Variants in CCDC148 observed in about 807,000 individuals in gnomAD.
CCDC148 encodes the protein coiled-coil domain-containing protein 148.
CCDC148 carries 89 observed loss-of-function variants against 85.7 expected under a neutral mutation model. The observed-to-expected ratio is 1.04, with a 90% CI of 0.87 to 1.24. CCDC148 has a LOEUF of 1.24. Ranked by LOEUF, CCDC148 falls within the 50% of genes most tolerant of loss-of-function variation. The probability of loss-of-function intolerance (pLI) is 0.00; values close to 1 mark genes in which losing one functional copy is unlikely to be tolerated. For missense variants in CCDC148, 692 were observed against 671.7 expected, an observed-to-expected ratio of 1.03 and a Z score of -0.33; for synonymous variants, 230 against 213.9, an observed-to-expected ratio of 1.08 and a Z score of -0.66.
intron 7 of CCDC148, among the ~76,000 whole-genome samples, chr2:158,325,521 A>G (rs1692727438): frequency 6.6e-6 from 1 of 152,034 alleles, no homozygotes; most frequent in Non-Finnish European, 1.5e-5. Context: ...TTTACTCACT[A>G]CTTTAGTGAT....
intron 2 of CCDC148, among the ~76,000 whole-genome samples, chr2:158,345,523 C>T (rs6750284): frequency 0.17 from 25,781 of 152,030 alleles, 3,481 homozygotes; most frequent in African/African-American, 0.38. Flanking sequence ...GGAATACTGA[C>T]AAACTTAAAA....
intron 9 of CCDC148, among the ~76,000 whole-genome samples, chr2:158,258,099 A>T (rs749039139): frequency 9.9e-5 from 15 of 151,850 alleles, no homozygotes; most frequent in Non-Finnish European, 1.9e-4. Flanking sequence ...TCATGAAATC[A>T]ATTTTGTGGA....
intron 9 of CCDC148, among the ~76,000 whole-genome samples, chr2:158,280,164 G>A (rs915323680): frequency 2.8e-4 from 42 of 152,204 alleles, no homozygotes; most frequent in Admixed American, 6.5e-5. Context: ...ACCAGCCACT[G>A]CAAAATCATG....
At chr2:158,263,850 C>T (rs1366764714) in intron 9 of CCDC148, among the ~76,000 whole-genome samples, 2 of 151,542 alleles carry the variant, frequency 1.3e-5, no homozygotes, top group Non-Finnish European at 2.9e-5. Context: ...ATTATGATGC[C>T]TAGCAGGGGA....
At chr2:158,279,511 G>A (rs568039922) in intron 9 of CCDC148, among the ~76,000 whole-genome samples, 41 of 152,330 alleles carry the variant, frequency 2.7e-4, no homozygotes, top group African/African-American at 8.4e-4. Context: ...TGATCAACTG[G>A]AAGAAAGGGT....
chr2:158,313,268 T>C (rs1262881901), intron 8 of CCDC148, among the ~76,000 whole-genome samples: 1 of 152,176 alleles, frequency 6.6e-6, no homozygotes, highest in Non-Finnish European at 1.5e-5. Flanking sequence ...CAGATCCAAC[T>C]AGGAGGATCA....
intron 8 of CCDC148, 98 bp downstream of exon 8, chr2:158,313,657 AT>A (rs751463646): frequency 4.9e-5 from 60 of 1,226,328 alleles, no homozygotes; most frequent in Non-Finnish European, 6.5e-5. Context: ...GAAAAAAATA[AT>A]TTTTAAAGAA....
At chr2:158,392,856 A>G (rs1685372065) in intron 1 of CCDC148, among the ~76,000 whole-genome samples, 1 of 152,052 alleles carries the variant, frequency 6.6e-6, no homozygotes, top group Admixed American at 6.6e-5. Context: ...GATGGGCCTG[A>G]TGTCAGAGAC....
rs1684310157 is a variant in CCDC148, at chr2:158,171,111, AT to A, written c.*1001del. Reference sequence around the variant, plus strand: ...TTTATTCTAACGGGACTGTACTTGTATTTTTTATTTCCATGATGTTGGGGAC... The same window carrying A: ...TTTATTCTAACGGGACTGTACTTGTATTTTTATTTCCATGATGTTGGGGAC... On this transcript the variant is annotated 3_prime_UTR_variant, in exon 14 of 14. Transcript: ENST00000283233. 6.6e-6 allele frequency: 1 copy of A among 151,672 alleles called. No individual in the cohort carries two copies. The highest frequency in any genetic ancestry group is 2.1e-4 in the South Asian group (1 of 4,830). The allele number at this position is 151,672 out of a possible 1,614,324, so 9.4% of individuals were successfully genotyped here. A position where few individuals can be genotyped will look rare whatever the true frequency, so the allele number is the denominator to read the frequency against.
At chr2:158,345,470 A>G (rs112074368) in intron 2 of CCDC148, 152 bp from the exon 3 acceptor site, 12 of 543,528 alleles carry the variant, frequency 2.2e-5, no homozygotes, top group Middle Eastern at 4.2e-4. Flanking sequence ...TACCTAAAAT[A>G]AATTTGATTT....
chr2:158,190,234 CATG>C (rs1685357740), intron 11 of CCDC148, among the ~76,000 whole-genome samples: 1 of 151,892 alleles, frequency 6.6e-6, no homozygotes, highest in South Asian at 2.1e-4. Flanking sequence ...TTGCTAGGAT[CATG>C]ATTTTGGAGG....
At chr2:158,307,782 T>C (rs547277696) in intron 9 of CCDC148, among the ~76,000 whole-genome samples, 7 of 152,352 alleles carry the variant, frequency 4.6e-5, no homozygotes, top group African/African-American at 1.4e-4. Context: ...CAAAGGACTA[T>C]ATACTGTATA....
chr2:158,437,719 C>T (rs1216078838), intron 1 of CCDC148, among the ~76,000 whole-genome samples: 5 of 152,262 alleles, frequency 3.3e-5, no homozygotes, highest in African/African-American at 1.2e-4. Context: ...AATTGTATAT[C>T]TAGAAAACCC....
intron 1 of CCDC148, among the ~76,000 whole-genome samples, chr2:158,433,484 A>G (rs1687475595): frequency 6.6e-6 from 1 of 152,090 alleles, no homozygotes; most frequent in East Asian, 1.9e-4. Flanking sequence ...ACCTAATTTT[A>G]GAAAGGGTAG....
intron 1 of CCDC148, among the ~76,000 whole-genome samples, chr2:158,453,027 C>T (rs1017872324): frequency 6.6e-5 from 10 of 152,182 alleles, no homozygotes; most frequent in Non-Finnish European, 1.2e-4. Context: ...CCCAACTTTT[C>T]CTAATTCTCT....
intron 8 of CCDC148, among the ~76,000 whole-genome samples, chr2:158,311,736 C>A (rs1354193784): frequency 6.6e-6 from 1 of 152,152 alleles, no homozygotes; most frequent in Non-Finnish European, 1.5e-5. Context: ...TGAAAATTCA[C>A]AATTTTACCT....
intron 7 of CCDC148, among the ~76,000 whole-genome samples, chr2:158,321,271 C>G (rs1178675524): frequency 6.6e-6 from 1 of 152,138 alleles, no homozygotes; most frequent in Non-Finnish European, 1.5e-5. Flanking sequence ...ATGGTCCACA[C>G]TATTACCCAC....
intron 1 of CCDC148, among the ~76,000 whole-genome samples, chr2:158,418,089 C>T (rs530755111): frequency 6.6e-6 from 1 of 151,618 alleles, no homozygotes; most frequent in East Asian, 1.9e-4. Flanking sequence ...ATGTAAAAAT[C>T]CCTTGAGTGT....
At chr2:158,279,376 GA>G (rs1317784139) in intron 9 of CCDC148, among the ~76,000 whole-genome samples, 3 of 152,054 alleles carry the variant, frequency 2.0e-5, no homozygotes, top group Admixed American at 6.6e-5. Context: ...TAAAAACTTT[GA>G]AAAAAATTTA....
Sources: allele counts gnomAD v4.1 joint callset (sites outside exome capture counted in the v4.1 genomes callset), GRCh38; gene constraint gnomAD v4.1.1; transcripts MANE v1.5; gene names NCBI Gene and HGNC (gene_info 2026-07-23, HGNC 2026-07-21).